The following PID1 variants were observed in gnomAD, a reference collection of about 807,000 sequenced individuals.
PID1 encodes phosphotyrosine interaction domain containing 1.
In PID1, 10 loss-of-function variants were observed where a neutral mutation model predicts 19.1. The ratio of observed to expected loss-of-function variants is 0.52; its 90% CI spans 0.32 to 0.89. The LOEUF (loss-of-function observed/expected upper bound fraction) is 0.89, where lower values mean the gene tolerates loss of function less well. Ranked by LOEUF, PID1 falls within the 40% of genes least tolerant of loss-of-function variation. The pLI, the probability that PID1 is intolerant of heterozygous loss-of-function variation, is 0.03. For missense variants in PID1, 248 were observed against 285.3 expected, an observed-to-expected ratio of 0.87 and a Z score of 0.94; for synonymous variants, 130 against 116.0, an observed-to-expected ratio of 1.12 and a Z score of -0.78.
intron 1 of PID1, among the ~76,000 whole-genome samples, chr2:229,265,859 T>C (rs995876095): frequency 7.2e-5 from 11 of 152,114 alleles, no homozygotes; most frequent in Non-Finnish European, 1.6e-4. Flanking sequence ...GGACCTAATC[T>C]GGAACATCAA....
intron 2 of PID1, 116 bp downstream of exon 2, chr2:229,155,702 G>T (rs1454219015): frequency 6.4e-6 from 6 of 942,270 alleles, no homozygotes; most frequent in Non-Finnish European, 9.3e-6. Flanking sequence ...TATTTTGTTG[G>T]TCATTTTATA....
At chr2:229,036,410 AT>A (rs1183958500) in intron 2 of PID1, among the ~76,000 whole-genome samples, 2 of 152,110 alleles carry the variant, frequency 1.3e-5, no homozygotes, top group Non-Finnish European at 2.9e-5. Context: ...CTCTGATACC[AT>A]TTTGGGGTCT....
intron 2 of PID1, among the ~76,000 whole-genome samples, chr2:229,097,858 C>G (rs193276209): frequency 6.6e-6 from 1 of 152,234 alleles, no homozygotes; most frequent in East Asian, 1.9e-4. Flanking sequence ...AGGAGAAATT[C>G]TCAGAAGATT....
intron 1 of PID1, among the ~76,000 whole-genome samples, chr2:229,245,227 G>A (rs185564141): frequency 4.2e-4 from 64 of 152,206 alleles, no homozygotes; most frequent in African/African-American, 1.5e-3. Context: ...TGGAGCACAT[G>A]ACTTCATAAA....
At chr2:229,232,952 T>C (rs938454619) in intron 1 of PID1, among the ~76,000 whole-genome samples, 6 of 151,928 alleles carry the variant, frequency 3.9e-5, no homozygotes, top group Non-Finnish European at 7.4e-5. Context: ...GGAGGATGTG[T>C]TTCTCAAGTC....
intron 1 of PID1, among the ~76,000 whole-genome samples, chr2:229,216,580 T>G (rs1207655180): frequency 6.6e-6 from 1 of 152,192 alleles, no homozygotes; most frequent in Non-Finnish European, 1.5e-5. Context: ...TTTTAACCTT[T>G]TAAAAACACA....
At chr2:229,258,828 C>T (rs1276371192) in intron 1 of PID1, among the ~76,000 whole-genome samples, 1 of 141,708 alleles carries the variant, frequency 7.1e-6, no homozygotes, top group African/African-American at 2.6e-5. Context: ...CGCCACTGCA[C>T]TCCAGCCTGG....
intron 2 of PID1, among the ~76,000 whole-genome samples, chr2:229,054,703 AGTGTGT>A (rs149214177): frequency 2.2e-3 from 98 of 44,126 alleles, no homozygotes; most frequent in Middle Eastern, 0.017. Context: ...ACAGTAATGC[AGTGTGT>A]GTGTGTGTGT....
intron 1 of PID1, among the ~76,000 whole-genome samples, chr2:229,252,142 T>TA (rs1690170079): frequency 6.6e-6 from 1 of 150,970 alleles, no homozygotes; most frequent in African/African-American, 2.4e-5. Context: ...GGGAAAGCCA[T>TA]AAAAAAGTGT....
At chr2:229,234,691 G>A (rs1327200066) in intron 1 of PID1, among the ~76,000 whole-genome samples, 1 of 152,128 alleles carries the variant, frequency 6.6e-6, no homozygotes, top group Non-Finnish European at 1.5e-5. Context: ...GTATTAGGGT[G>A]AGAATGGGGG....
chr2:229,089,047 C>A (rs1295576439), intron 2 of PID1, among the ~76,000 whole-genome samples: 1 of 152,086 alleles, frequency 6.6e-6, no homozygotes, highest in Non-Finnish European at 1.5e-5. Context: ...CATTGGCAAC[C>A]AGAAGATAGG....
At chr2:229,236,987 T>TACACACACACACAC (rs201772514) in intron 1 of PID1, among the ~76,000 whole-genome samples, 1 of 107,776 alleles carries the variant, frequency 9.3e-6, no homozygotes, top group African/African-American at 3.6e-5. Flanking sequence ...TACACACACA[T>TACACACACACACAC]ACACACACAC....
At chr2:229,254,572 G>A (rs1690244067) in intron 1 of PID1, among the ~76,000 whole-genome samples, 1 of 152,186 alleles carries the variant, frequency 6.6e-6, no homozygotes, top group African/African-American at 2.4e-5. Flanking sequence ...CGGGCTGCTA[G>A]GAAGCTCAGA....
chr2:229,046,383 T>TGTGC (rs1553555215), intron 2 of PID1, among the ~76,000 whole-genome samples: 5 of 125,430 alleles, frequency 4.0e-5, no homozygotes, highest in Admixed American at 7.9e-5. Flanking sequence ...TGTGTGTGCG[T>TGTGC]GTGTGTGTGT....
At chr2:229,193,360 C>T (rs190307444) in intron 1 of PID1, among the ~76,000 whole-genome samples, 4 of 152,224 alleles carry the variant, frequency 2.6e-5, no homozygotes, top group Admixed American at 6.5e-5. Context: ...AGCTGGGTTC[C>T]GAAAGGTCTG....
At chr2:229,083,624 G>A (rs1040430704) in intron 2 of PID1, among the ~76,000 whole-genome samples, 1 of 152,152 alleles carries the variant, frequency 6.6e-6, no homozygotes, top group East Asian at 1.9e-4. Context: ...AAATATATGG[G>A]TGTATTCTCA....
chr2:229,128,904 T>C (rs1391886269), intron 2 of PID1, among the ~76,000 whole-genome samples: 7 of 152,226 alleles, frequency 4.6e-5, no homozygotes, highest in Non-Finnish European at 1.0e-4. Flanking sequence ...TTGGATTGTT[T>C]GCAACTCAAA....
intron 1 of PID1, among the ~76,000 whole-genome samples, chr2:229,180,031 C>T (rs1690906384): frequency 6.6e-6 from 1 of 152,200 alleles, no homozygotes; most frequent in African/African-American, 2.4e-5. Flanking sequence ...GCTAAATCTC[C>T]TGTAGTTCGA....
intron 2 of PID1, among the ~76,000 whole-genome samples, chr2:229,139,026 A>AGAAG (rs1559251272): frequency 3.5e-5 from 3 of 86,136 alleles, no homozygotes; most frequent in Non-Finnish European, 5.1e-5. Flanking sequence ...AAAGAAAGAA[A>AGAAG]GAAAGAAAGA....
Sources: gnomAD v4.1 joint callset for allele counts (sites outside exome capture counted in the v4.1 genomes callset) on GRCh38, gnomAD v4.1.1 for gene constraint, MANE v1.5 for transcripts, NCBI Gene and HGNC (gene_info 2026-07-23, HGNC 2026-07-21) for gene names.